Variants in ARHGAP5 observed in about 807,000 individuals in gnomAD.
ARHGAP5 encodes rho GTPase-activating protein 5.
ARHGAP5 carries 23 observed loss-of-function variants against 116.6 expected under a neutral mutation model. That is an observed-to-expected ratio of 0.20 (90% CI 0.14 to 0.28). The LOEUF (loss-of-function observed/expected upper bound fraction) is 0.28. Among genes scored for constraint, ARHGAP5 ranks in the 10% least tolerant of loss-of-function variants. The pLI is 1.00. For synonymous variants in ARHGAP5, 574 were observed against 602.0 expected, an observed-to-expected ratio of 0.95 and a Z score of 0.68; for missense variants, 1,405 against 1,774.8, an observed-to-expected ratio of 0.79 and a Z score of 3.74.
intron 2 of ARHGAP5, among the ~76,000 whole-genome samples, chr14:32,109,027 T>A (rs1362314056): frequency 6.6e-6 from 1 of 152,164 alleles, no homozygotes. Context: ...TAGATTGAAT[T>A]CTAGATCATT....
chr14:32,125,889 GAATTT>G (rs990022207), intron 3 of ARHGAP5, among the ~76,000 whole-genome samples: 1 of 152,080 alleles, frequency 6.6e-6, no homozygotes, highest in African/African-American at 2.4e-5. Flanking sequence ...ATTGTAAATG[GAATTT>G]AATTTAATTT....
intron 3 of ARHGAP5, among the ~76,000 whole-genome samples, chr14:32,127,667 CGTTCTCAATGAGCTGTTGG>C (rs1880240858): frequency 6.6e-6 from 1 of 152,220 alleles, no homozygotes; most frequent in Non-Finnish European, 1.5e-5. Context: ...CATCATGGCC[CGTTCTCAATGAGCTGTTGG>C]GTACACCTCC....
chr14:32,145,602 A>G (rs1233398194), intron 3 of ARHGAP5, among the ~76,000 whole-genome samples: 1 of 152,060 alleles, frequency 6.6e-6, no homozygotes, highest in African/African-American at 2.4e-5. Flanking sequence ...AAATCAGGGA[A>G]CTTACTGTCA....
chr14:32,136,607 C>A (rs1351617236), intron 3 of ARHGAP5, among the ~76,000 whole-genome samples: 1 of 152,096 alleles, frequency 6.6e-6, no homozygotes, highest in Non-Finnish European at 1.5e-5. Context: ...GTTTTGAATT[C>A]TTGAGGGTGT....
chr14:32,138,453 T>A (rs1443245333), intron 3 of ARHGAP5, among the ~76,000 whole-genome samples: 2 of 152,044 alleles, frequency 1.3e-5, no homozygotes, highest in Non-Finnish European at 2.9e-5. Flanking sequence ...CTGGCTAGTT[T>A]TTATATTTTT....
chr14:32,127,727 C>T (rs1301497062), intron 3 of ARHGAP5, among the ~76,000 whole-genome samples: 4 of 152,118 alleles, frequency 2.6e-5, no homozygotes, highest in African/African-American at 9.7e-5. Flanking sequence ...CAGAGGGGCT[C>T]CTCACTTCCC....
chr14:32,129,899 T>G (rs1012442681), intron 3 of ARHGAP5, among the ~76,000 whole-genome samples: 5 of 152,108 alleles, frequency 3.3e-5, no homozygotes, highest in African/African-American at 1.2e-4. Context: ...TGCAGTTCAC[T>G]TTGACTGTAT....
intron 2 of ARHGAP5, among the ~76,000 whole-genome samples, chr14:32,096,403 T>A (rs2139028607): frequency 6.6e-6 from 1 of 152,268 alleles, no homozygotes. Flanking sequence ...GGCTAAAAGC[T>A]GATTATTTGA....
intron 4 of ARHGAP5, among the ~76,000 whole-genome samples, chr14:32,148,722 A>G (rs540296580): frequency 7.2e-5 from 11 of 152,180 alleles, no homozygotes; most frequent in Admixed American, 1.3e-4. Context: ...TGATTTGGCA[A>G]TTTTTTTAAT....
At chr14:32,146,113 T>G (rs1259568301) in intron 3 of ARHGAP5, 150 bp from the exon 4 acceptor site, 9 of 547,554 alleles carry the variant, frequency 1.6e-5, no homozygotes, top group African/African-American at 1.3e-4. Flanking sequence ...AGTCTCCCTG[T>G]GTTGCCCAGG....
intron 3 of ARHGAP5, among the ~76,000 whole-genome samples, chr14:32,123,938 C>G (rs1880015331): frequency 6.6e-6 from 1 of 152,156 alleles, no homozygotes; most frequent in Admixed American, 6.5e-5. Flanking sequence ...GAACTATTCT[C>G]AGCTCTTGGC....
intron 2 of ARHGAP5, among the ~76,000 whole-genome samples, chr14:32,108,166 T>C (rs1179989623): frequency 6.6e-6 from 1 of 151,870 alleles, no homozygotes; most frequent in African/African-American, 2.4e-5. Flanking sequence ...TGGAAGTGGG[T>C]TGAAGAGTTA....
At chr14:32,124,543 A>T (rs1037863692) in intron 3 of ARHGAP5, among the ~76,000 whole-genome samples, 1 of 152,218 alleles carries the variant, frequency 6.6e-6, no homozygotes, top group African/African-American at 2.4e-5. Context: ...GGAGTTAATA[A>T]GGATGATAAA....
intron 3 of ARHGAP5, among the ~76,000 whole-genome samples, chr14:32,133,691 C>T (rs1049859777): frequency 6.6e-6 from 1 of 152,124 alleles, no homozygotes; most frequent in African/African-American, 2.4e-5. Context: ...CCAGTTTTTG[C>T]CCATTCAGTA....
Position 32,090,638 on chromosome 14 carries a change from C to G in ARHGAP5, c.-32C>G. On this transcript the variant is annotated 5_prime_UTR_variant, in exon 2 of 7. Transcript: ENST00000345122. ...CAGAATGAGAAGCATATCTGGTTAC[C>G]TTTATGAATGTAGAGACATGAGAAG... is the stretch of plus-strand genomic sequence containing the variant. 1.3e-6 allele frequency: 2 copies of G among 1,519,998 alleles called. No homozygotes were observed. Among genetic ancestry groups the G allele is most frequent in the Non-Finnish European group, 1.8e-6 (2 of 1,130,312 alleles). The allele number at this position is 1,519,998 out of a possible 1,614,324, so 94.2% of individuals were successfully genotyped here.
intron 1 of ARHGAP5, among the ~76,000 whole-genome samples, chr14:32,087,022 T>A (rs1227755141): frequency 1.3e-5 from 2 of 152,108 alleles, no homozygotes; most frequent in Non-Finnish European, 2.9e-5. Context: ...AACATGGTGC[T>A]AGATATCATA....
chr14:32,127,582 A>G (rs1267344474), intron 3 of ARHGAP5, among the ~76,000 whole-genome samples: 1 of 152,240 alleles, frequency 6.6e-6, no homozygotes, highest in East Asian at 1.9e-4. Flanking sequence ...CTTTCTACGC[A>G]GACACAGTAA....
rs867373461 is a variant in ARHGAP5 at position 32,115,299 on chromosome 14, T to C, written c.3718-1841T>C. Among the ~76,000 whole-genome samples the C allele has an allele frequency of 2.0e-5, 3 of 152,336 alleles. No homozygotes were observed. The Middle Eastern group carries it at 0.01, about 518-fold the overall frequency. ...CATTGAAGTTAAACTGTGAAAATTC[T>C]TACTTAATTTTGTCTTTTTACTATC... On this transcript the variant is annotated intron_variant, in intron 2 of 6. Transcript: ENST00000345122.
intron 3 of ARHGAP5, among the ~76,000 whole-genome samples, chr14:32,126,426 T>G (rs1487227444): frequency 6.6e-6 from 1 of 152,212 alleles, no homozygotes; most frequent in African/African-American, 2.4e-5. Flanking sequence ...CCTTTGGCAT[T>G]CTCCATGTGC....
Sources: gnomAD v4.1 joint callset for allele counts (sites outside exome capture counted in the v4.1 genomes callset) on GRCh38, gnomAD v4.1.1 for gene constraint, MANE v1.5 for transcripts, NCBI Gene and HGNC (gene_info 2026-07-23, HGNC 2026-07-21) for gene names.